The following ANKS1B variants were observed in gnomAD, a reference collection of about 807,000 sequenced individuals.
ANKS1B encodes the protein ankyrin repeat and sterile alpha motif domain containing 1B, also known as ankyrin repeat and sterile alpha motif domain-containing protein 1B.
ANKS1B carries 36 observed loss-of-function variants against 148.3 expected under a neutral mutation model. The observed-to-expected ratio is 0.24, with a 90% CI of 0.19 to 0.32. The LOEUF (loss-of-function observed/expected upper bound fraction) is 0.32. Among genes scored for constraint, ANKS1B ranks in the 10% least tolerant of loss-of-function variants. The probability of loss-of-function intolerance (pLI) is 1.00; values close to 1 mark genes in which losing one functional copy is unlikely to be tolerated. For synonymous variants in ANKS1B, 542 were observed against 560.8 expected (o/e 0.97, Z 0.47); for missense variants, 1,157 against 1,542.6 (o/e 0.75, Z 4.19).
intron 1 of ANKS1B, among the ~76,000 whole-genome samples, chr12:99,826,098 A>C (rs1476764352): frequency 1.3e-5 from 2 of 152,232 alleles, no homozygotes; most frequent in Non-Finnish European, 2.9e-5. Flanking sequence ...CTTTTCCAAA[A>C]ATAGAACAAA....
chr12:99,507,768 T>G (rs78468112), intron 9 of ANKS1B, among the ~76,000 whole-genome samples: 2 of 151,734 alleles, frequency 1.3e-5, no homozygotes, highest in East Asian at 3.9e-4. Flanking sequence ...GAAAGAGAGA[T>G]AGTTGAACAA....
rs1252370679 is a variant in ANKS1B, at chr12:99,632,657, G to T, written c.1272+22410C>A. ...TTCCTCACCCTTAGATTTAATGTCT[G>T]CCCTCTTGGGTTTCAGACTTGTTTG... is the stretch of plus-strand genomic sequence containing the variant. On this transcript the variant is annotated intron_variant, in intron 9 of 26. Coordinates refer to ENST00000683438, the MANE Select transcript of ANKS1B (RefSeq NM_001352186.2). Among the ~76,000 whole-genome samples the T allele has an allele frequency of 3.5e-5, 5 of 144,636 alleles. No homozygotes were observed. The East Asian group carries it at 1.0e-3, about 30-fold the overall frequency. 94.9% of individuals were successfully genotyped at this position (144,636 alleles called of 152,430 possible). A position where few individuals can be genotyped will look rare whatever the true frequency, so the allele number is the denominator to read the frequency against.
At chr12:99,797,695 G>A (rs559206783) in intron 4 of ANKS1B, among the ~76,000 whole-genome samples, 27 of 151,924 alleles carry the variant, frequency 1.8e-4, no homozygotes, top group Non-Finnish European at 2.8e-4. Flanking sequence ...TGAACACAGT[G>A]ATGAAAACAG....
chr12:98,936,165 C>G (rs2099818409), intron 17 of ANKS1B, among the ~76,000 whole-genome samples: 1 of 152,144 alleles, frequency 6.6e-6, no homozygotes, highest in Non-Finnish European at 1.5e-5. Flanking sequence ...AGTACTCATA[C>G]CAGTCTTAGG....
At chr12:98,938,266 C>T (rs962650134) in intron 17 of ANKS1B, among the ~76,000 whole-genome samples, 1 of 152,054 alleles carries the variant, frequency 6.6e-6, no homozygotes, top group African/African-American at 2.4e-5. Context: ...TATTAACCTA[C>T]GTTAAATTCT....
intron 17 of ANKS1B, among the ~76,000 whole-genome samples, chr12:99,020,847 C>A (rs2099945381): frequency 6.6e-6 from 1 of 151,922 alleles, no homozygotes. Flanking sequence ...GAAAAACAAT[C>A]TCCAAAATAT....
intron 11 of ANKS1B, among the ~76,000 whole-genome samples, chr12:99,410,412 G>A (rs1478926074): frequency 6.6e-6 from 1 of 152,152 alleles, no homozygotes; most frequent in Admixed American, 6.5e-5. Context: ...GTTCACGCCT[G>A]TAATCCCAGC....
Position 99,658,863 on chromosome 12 carries a change from G to A in ANKS1B, c.1129-3653C>T, listed in dbSNP as rs188723860. On this transcript the variant is annotated intron_variant, in intron 8 of 26. Coordinates refer to ENST00000683438, the MANE Select transcript of ANKS1B (RefSeq NM_001352186.2). ...GCAAATATACTACACAGACACAAGT[G>A]TGGCTTATTTACCCTTGTGAAGTAA... Among the ~76,000 whole-genome samples the A allele has an allele frequency of 7.2e-4, 109 of 152,324 alleles. 1 individual carries two copies. Among genetic ancestry groups the A allele is most frequent in the African/African-American group, 2.5e-3 (104 of 41,586 alleles).
chr12:98,969,213 A>C (rs987495159), intron 17 of ANKS1B, among the ~76,000 whole-genome samples: 10 of 152,268 alleles, frequency 6.6e-5, no homozygotes, highest in Non-Finnish European at 1.2e-4. Flanking sequence ...CTGGCCCTCA[A>C]TTTTCTCAAG....
chr12:98,805,927 G>A lies in ANKS1B; in HGVS notation c.3141+1917C>T, dbSNP rs538255147. Among the ~76,000 whole-genome samples the A allele has an allele frequency of 1.4e-3, 211 of 152,174 alleles. 1 individual carries two copies. Among genetic ancestry groups the A allele is most frequent in the African/African-American group, 4.8e-3 (198 of 41,528 alleles). ...CCCTCTGTCACCCAGGCTGGAGTGC[G>A]ATGGCACAATCTCGGTTCATTGCAA... On this transcript the variant is annotated intron_variant, in intron 20 of 26. Transcript: ENST00000683438.
At chr12:98,869,686 T>TAC (rs2099643294) in intron 17 of ANKS1B, among the ~76,000 whole-genome samples, 1 of 23,220 alleles carries the variant, frequency 4.3e-5, no homozygotes, top group Non-Finnish European at 6.6e-5. Context: ...AATGCATACA[T>TAC]ATGTATGTGT....
intron 17 of ANKS1B, among the ~76,000 whole-genome samples, chr12:98,837,602 C>G (rs958449020): frequency 6.6e-6 from 1 of 152,136 alleles, no homozygotes; most frequent in East Asian, 1.9e-4. Flanking sequence ...GATGACAATC[C>G]TATAATATCA....
intron 2 of ANKS1B, among the ~76,000 whole-genome samples, chr12:99,822,784 C>T (rs2082672273): frequency 6.6e-6 from 1 of 152,050 alleles, no homozygotes; most frequent in Admixed American, 6.6e-5. Flanking sequence ...GAACAATTTA[C>T]TTTCTTTTGG....
chr12:99,212,538 T>G (rs2083490415), intron 14 of ANKS1B, among the ~76,000 whole-genome samples: 2 of 152,224 alleles, frequency 1.3e-5, no homozygotes, highest in East Asian at 1.9e-4. Flanking sequence ...GGTCCATGTT[T>G]GTTCAATCTG....
At chr12:99,599,607 G>T (rs567967180) in intron 9 of ANKS1B, among the ~76,000 whole-genome samples, 3 of 152,112 alleles carry the variant, frequency 2.0e-5, no homozygotes, top group Admixed American at 1.3e-4. Context: ...AGATGGATAA[G>T]ATATAAATTT....
chr12:99,770,145 T>C (rs2063053009), intron 8 of ANKS1B, among the ~76,000 whole-genome samples: 1 of 152,220 alleles, frequency 6.6e-6, no homozygotes, highest in African/African-American at 2.4e-5. Flanking sequence ...GCTAAGTCAT[T>C]TTCTAAATCC....
chr12:99,411,172 G>GCCTTACAAAA (rs1439113124), intron 11 of ANKS1B, among the ~76,000 whole-genome samples: 4 of 152,102 alleles, frequency 2.6e-5, no homozygotes, highest in Admixed American at 2.6e-4. Flanking sequence ...CCCATAAACC[G>GCCTTACAAAA]CCTTACAAAA....
intron 15 of ANKS1B, among the ~76,000 whole-genome samples, chr12:99,094,519 T>C (rs988075752): frequency 1.3e-5 from 2 of 152,184 alleles, no homozygotes; most frequent in African/African-American, 4.8e-5. Flanking sequence ...CGGAGATCTA[T>C]GTTAGAAAGA....
At chr12:99,572,510 T>C (rs2097468284) in intron 9 of ANKS1B, among the ~76,000 whole-genome samples, 1 of 152,100 alleles carries the variant, frequency 6.6e-6, no homozygotes. Context: ...CAAAACTATC[T>C]AATGTATAAT....
Sources: gnomAD v4.1 joint callset for allele counts (sites outside exome capture counted in the v4.1 genomes callset) on GRCh38, gnomAD v4.1.1 for gene constraint, MANE v1.5 for transcripts, NCBI Gene and HGNC (gene_info 2026-07-23, HGNC 2026-07-21) for gene names.